The following TLN2 variants were observed in gnomAD, a reference collection of about 807,000 sequenced individuals.
TLN2 encodes talin 2, also known as talin-2.
In TLN2, 118 loss-of-function variants were observed where a neutral mutation model predicts 294.7. The ratio of observed to expected loss-of-function variants is 0.40; its 90% CI spans 0.34 to 0.47. The LOEUF is 0.47. Among genes scored for constraint, TLN2 ranks in the 20% least tolerant of loss-of-function variants. The pLI is 0.84. For synonymous variants in TLN2, 1,431 were observed against 1,304.5 expected, an observed-to-expected ratio of 1.10 and a Z score of -2.09; for missense variants, 3,083 against 3,282.2, an observed-to-expected ratio of 0.94 and a Z score of 1.48.
intron 1 of TLN2, among the ~76,000 whole-genome samples, chr15:62,422,077 A>G (rs374345377): frequency 1.3e-5 from 2 of 151,926 alleles, no homozygotes; most frequent in African/African-American, 2.4e-5. Flanking sequence ...CCTGACTAAC[A>G]TGGTGAAACC....
intron 50 of TLN2, among the ~76,000 whole-genome samples, chr15:62,801,973 C>G (rs1314298267): frequency 2.0e-5 from 3 of 152,150 alleles, no homozygotes; most frequent in Non-Finnish European, 4.4e-5. Flanking sequence ...CAATTATACT[C>G]TTTTAGTTAT....
intron 1 of TLN2, among the ~76,000 whole-genome samples, chr15:62,410,968 G>C (rs538094538): frequency 1.3e-5 from 2 of 152,332 alleles, no homozygotes; most frequent in East Asian, 3.9e-4. Context: ...GTACATCCAT[G>C]TGCTTGCTGT....
chr15:62,446,444 A>G (rs1471287717), intron 1 of TLN2, among the ~76,000 whole-genome samples: 1 of 152,148 alleles, frequency 6.6e-6, no homozygotes, highest in African/African-American at 2.4e-5. Flanking sequence ...AGATCACTAG[A>G]CTACCTTAGA....
chr15:62,692,504 A>G (rs1281892860), intron 12 of TLN2, among the ~76,000 whole-genome samples: 1 of 152,106 alleles, frequency 6.6e-6, no homozygotes, highest in Non-Finnish European at 1.5e-5. Context: ...GACTAAAAGC[A>G]TGCTTTTCAG....
intron 2 of TLN2, among the ~76,000 whole-genome samples, chr15:62,593,596 C>G (rs773447907): frequency 1.4e-4 from 21 of 152,150 alleles, no homozygotes; most frequent in Admixed American, 3.9e-4. Context: ...CTCGATGACT[C>G]TAGAATACAT....
chr15:62,404,805 T>C (rs530804312), intron 1 of TLN2, among the ~76,000 whole-genome samples: 2 of 152,260 alleles, frequency 1.3e-5, no homozygotes, highest in Admixed American at 1.3e-4. Context: ...ACTCAACACC[T>C]GTCACTCCTA....
At position 62,739,345 on chromosome 15, in the gene TLN2, C is replaced by T. The variant is rs2061194644; in HGVS notation, c.3688-3C>T. ...CATGGGGTGTGCCGTCTGTTCCCCA[C>T]AGCTACCTCCAAGCACGAAGCCTTT... is the stretch of plus-strand genomic sequence containing the variant. On this transcript the variant is annotated splice_region_variant and splice_polypyrimidine_tract_variant and intron_variant, in intron 30 of 58. Transcript: ENST00000636159. 1 of 1,612,110 alleles carries T rather than the reference C, an allele frequency of 6.2e-7. No individual in the cohort carries two copies. The highest frequency in any genetic ancestry group is 8.5e-7 in the Non-Finnish European group (1 of 1,179,074).
At position 62,647,460 on chromosome 15, in the gene TLN2, T is replaced by G. The variant is rs1404788090; in HGVS notation, c.136+14T>G. On this transcript the variant is annotated intron_variant, in intron 4 of 58. Coordinates refer to ENST00000636159, the MANE Select transcript of TLN2 (RefSeq NM_015059.3). ...AAACTGGGCAAGGTAGGTCATGGGT[T>G]ATTTACTGGCTTCTTAAAACGTGTT... is the stretch of plus-strand genomic sequence containing the variant. 6.2e-7 allele frequency: 1 copy of G among 1,612,346 alleles called. No homozygotes were observed. Among genetic ancestry groups the G allele is most frequent in the East Asian group, 2.2e-5 (1 of 44,878 alleles).
Position 62,716,376 on chromosome 15 carries a change from A to C in TLN2, c.2680A>C (p.Arg894=). The C allele has an allele frequency of 6.2e-7, 1 of 1,611,046 alleles. No individual in the cohort carries two copies. Among genetic ancestry groups the C allele is most frequent in the Non-Finnish European group, 8.5e-7 (1 of 1,178,792 alleles). Residue 894 remains arginine (R), a synonymous_variant, in exon 23 of 59, where the codon AGA becomes CGA. Coordinates refer to ENST00000636159, the MANE Select transcript of TLN2 (RefSeq NM_015059.3). ...PENEDQQQRL[R]EAAEGLRVAT... ...GAATGAGGACCAGCAGCAAAGGCTG[A>C]GAGAAGCTGCAGAAGGCCTCCGGGT...
chr15:62,568,442 TA>T (rs2043593091), intron 1 of TLN2, among the ~76,000 whole-genome samples: 1 of 152,140 alleles, frequency 6.6e-6, no homozygotes, highest in African/African-American at 2.4e-5. Flanking sequence ...GGTCTATAGG[TA>T]AGAGGTACAA....
chr15:62,832,342 G>A (rs1124095), intron 54 of TLN2: 43,172 of 152,038 alleles, frequency 0.28, 8,051 homozygotes, highest in African/African-American at 0.52. Flanking sequence ...ATCTCTCAAT[G>A]CCTGAAAGGT....
intron 34 of TLN2, 33 bp from the exon 35 acceptor site, chr15:62,752,272 G>A (rs1178148671): frequency 5.6e-6 from 9 of 1,612,646 alleles, no homozygotes; most frequent in Non-Finnish European, 7.6e-6. Flanking sequence ...GGCAATGCTG[G>A]ATAGAGAATG....
chr15:62,782,957 T>C (rs2064311814), intron 44 of TLN2, among the ~76,000 whole-genome samples: 1 of 152,190 alleles, frequency 6.6e-6, no homozygotes, highest in Non-Finnish European at 1.5e-5. Flanking sequence ...AGATTAAAAC[T>C]GCTTTTGTGA....
intron 54 of TLN2, chr15:62,827,782 T>C (rs2068361027): frequency 6.6e-6 from 1 of 152,240 alleles, no homozygotes; most frequent in Admixed American, 6.5e-5. Context: ...ATAATGAAAT[T>C]GCTAATAGTT....
chr15:62,601,811 C>T (rs566115157), intron 2 of TLN2, among the ~76,000 whole-genome samples: 1 of 152,280 alleles, frequency 6.6e-6, no homozygotes, highest in African/African-American at 2.4e-5. Context: ...AAAGAGATCA[C>T]TGAGACTTTA....
intron 28 of TLN2, among the ~76,000 whole-genome samples, chr15:62,734,661 C>A (rs1175724325): frequency 2.0e-5 from 3 of 152,194 alleles, no homozygotes; most frequent in Admixed American, 2.0e-4. Context: ...GTTTAAAATT[C>A]TTTTATTCTG....
chr15:62,559,672 A>C (rs987727368), intron 1 of TLN2, among the ~76,000 whole-genome samples: 1 of 152,182 alleles, frequency 6.6e-6, no homozygotes, highest in Non-Finnish European at 1.5e-5. Flanking sequence ...TTTGGTGGCA[A>C]TGGAAACCCA....
intron 1 of TLN2, among the ~76,000 whole-genome samples, chr15:62,481,253 C>T (rs28633106): frequency 0.02 from 2,979 of 151,854 alleles, 99 homozygotes; most frequent in African/African-American, 0.068. Context: ...AGAGTCTCAC[C>T]TGGCTTAAAA....
At chr15:62,515,543 G>A (rs1218670275) in intron 1 of TLN2, among the ~76,000 whole-genome samples, 1 of 152,178 alleles carries the variant, frequency 6.6e-6, no homozygotes, top group Non-Finnish European at 1.5e-5. Flanking sequence ...ACTTTGTGAT[G>A]AGTGTTCTCC....
Sources: allele counts gnomAD v4.1 joint callset (sites outside exome capture counted in the v4.1 genomes callset), GRCh38; gene constraint gnomAD v4.1.1; transcripts MANE v1.5; gene names NCBI Gene and HGNC (gene_info 2026-07-23, HGNC 2026-07-21).